FOXP2: variants seen among roughly 807,000 people sequenced by gnomAD.
FOXP2 encodes forkhead box P2.
In FOXP2, 12 loss-of-function variants were observed where a neutral mutation model predicts 115.8. That is an observed-to-expected ratio of 0.10 (90% CI 0.07 to 0.17). The LOEUF is 0.17. FOXP2 is among the 10% of genes least tolerant of loss of function. The pLI is 1.00. For synonymous variants in FOXP2, 328 were observed against 297.7 expected (o/e 1.10, Z -1.05); for missense variants, 629 against 843.5 (o/e 0.75, Z 3.15).
chr7:114,218,195 A>G (rs1234222283), intron 1 of FOXP2, among the ~76,000 whole-genome samples: 3 of 152,178 alleles, frequency 2.0e-5, no homozygotes, highest in South Asian at 2.1e-4. Context: ...CCGATGTACT[A>G]TTAGTCTACA....
chr7:114,445,923 G>T (rs544613565), intron 2 of FOXP2, among the ~76,000 whole-genome samples: 3 of 152,182 alleles, frequency 2.0e-5, no homozygotes, highest in East Asian at 3.9e-4. Flanking sequence ...GTCCCATTCA[G>T]TTGTAGAGAA....
intron 3 of FOXP2, among the ~76,000 whole-genome samples, chr7:114,625,055 G>A (rs1377866132): frequency 6.6e-6 from 1 of 151,442 alleles, no homozygotes; most frequent in African/African-American, 2.4e-5. Flanking sequence ...AGCATGTCGG[G>A]TTTGTGCTTA....
chr7:114,611,814 A>G (rs1803643199), intron 3 of FOXP2, among the ~76,000 whole-genome samples: 1 of 152,182 alleles, frequency 6.6e-6, no homozygotes, highest in Non-Finnish European at 1.5e-5. Flanking sequence ...AATGATAACA[A>G]TGGCTACCAT....
At chr7:114,653,186 G>T (rs1806372947) in intron 9 of FOXP2, among the ~76,000 whole-genome samples, 4 of 152,020 alleles carry the variant, frequency 2.6e-5, no homozygotes, top group Non-Finnish European at 4.4e-5. Context: ...AACACAAAAA[G>T]CACCATCACT....
At chr7:114,193,375 A>G (rs1793815817) in intron 1 of FOXP2, among the ~76,000 whole-genome samples, 1 of 151,956 alleles carries the variant, frequency 6.6e-6, no homozygotes, top group Non-Finnish European at 1.5e-5. Context: ...TTTAGTTCTG[A>G]CAAACTAAAA....
At chr7:114,595,100 A>G (rs1240490130) in intron 3 of FOXP2, among the ~76,000 whole-genome samples, 1 of 152,068 alleles carries the variant, frequency 6.6e-6, no homozygotes, top group East Asian at 1.9e-4. Context: ...TTAATAAGGA[A>G]AAGGCACCCT....
At chr7:114,627,239 A>G (rs948704335) in intron 3 of FOXP2, among the ~76,000 whole-genome samples, 1 of 151,786 alleles carries the variant, frequency 6.6e-6, no homozygotes, top group Admixed American at 6.6e-5. Context: ...TTTGAACTGC[A>G]TTAAAAATAA....
intron 1 of FOXP2, among the ~76,000 whole-genome samples, chr7:114,175,417 A>T (rs1021987866): frequency 2.6e-5 from 4 of 152,180 alleles, no homozygotes; most frequent in African/African-American, 9.6e-5. Flanking sequence ...GCCATGGGTA[A>T]CAATGTTAAG....
Position 114,642,462 on chromosome 7 carries a change from T to A in FOXP2, c.828T>A (p.Val276=). 6.2e-7 allele frequency: 1 copy of A among 1,613,800 alleles called. No individual in the cohort carries two copies. The highest frequency in any genetic ancestry group is 1.1e-5 in the South Asian group (1 of 91,074). ...AGTTATGGAAAGAAGTGACTGGAGT[T>A]CACAGTATGGAAGACAATGGCATTA... ...IQQLWKEVTG[V]HSMEDNGIKH... Residue 276 remains valine, a synonymous_variant, in exon 7 of 17, where the codon GTT becomes GTA. Coordinates refer to ENST00000350908, the MANE Select transcript of FOXP2 (RefSeq NM_014491.4).
intron 3 of FOXP2, among the ~76,000 whole-genome samples, chr7:114,612,994 C>T (rs966014691): frequency 1.3e-5 from 2 of 152,078 alleles, no homozygotes; most frequent in African/African-American, 4.8e-5. Flanking sequence ...TTTTGTGTTA[C>T]TTTGTCAGTG....
intron 1 of FOXP2, among the ~76,000 whole-genome samples, chr7:114,205,200 T>C (rs553605854): frequency 5.3e-5 from 8 of 152,200 alleles, no homozygotes; most frequent in Non-Finnish European, 7.3e-5. Flanking sequence ...TTAAGTAATA[T>C]ATGACCGTGA....
intron 1 of FOXP2, among the ~76,000 whole-genome samples, chr7:114,238,562 T>G (rs1467549336): frequency 6.6e-6 from 1 of 152,088 alleles, no homozygotes; most frequent in Non-Finnish European, 1.5e-5. Flanking sequence ...CATCTGAGAT[T>G]GGGAATTCGA....
chr7:114,473,090 C>T (rs1327314984), intron 2 of FOXP2, among the ~76,000 whole-genome samples: 2 of 152,150 alleles, frequency 1.3e-5, no homozygotes, highest in Non-Finnish European at 2.9e-5. Flanking sequence ...AAGGCACTAG[C>T]TCTCTAAGTT....
intron 1 of FOXP2, among the ~76,000 whole-genome samples, chr7:114,265,256 T>C (rs765516831): frequency 1.9e-4 from 29 of 152,136 alleles, no homozygotes; most frequent in Admixed American, 7.9e-4. Context: ...GGTATAGGCA[T>C]TGGGGAAACA....
chr7:114,659,244 G>T (rs1806748607), intron 11 of FOXP2, 112 bp from the exon 12 acceptor site: 1 of 782,090 alleles, frequency 1.3e-6, no homozygotes, highest in East Asian at 2.7e-5. Context: ...GCTTTCACTA[G>T]TCGGTGGCTT....
intron 16 of FOXP2, among the ~76,000 whole-genome samples, chr7:114,670,606 A>G (rs1807441489): frequency 6.6e-6 from 1 of 152,134 alleles, no homozygotes; most frequent in South Asian, 2.1e-4. Flanking sequence ...TTGAAAATCT[A>G]AACTTTGAAT....
chr7:114,552,548 C>G, intron 3 of FOXP2, among the ~76,000 whole-genome samples: 1 of 152,100 alleles, frequency 6.6e-6, no homozygotes, highest in African/African-American at 2.4e-5. Flanking sequence ...AGTTAGTTTT[C>G]CCCTTATCAG....
At chr7:114,351,388 A>G (rs2129185855) in intron 2 of FOXP2, among the ~76,000 whole-genome samples, 1 of 152,266 alleles carries the variant, frequency 6.6e-6, no homozygotes, top group Non-Finnish European at 1.5e-5. Flanking sequence ...GTAATGTATT[A>G]AAAAAGGAGG....
Position 114,415,122 on chromosome 7 carries a change from C to T in FOXP2, c.-249C>T, listed in dbSNP as rs534027558. On this transcript the variant is annotated 5_prime_UTR_variant, in exon 1 of 17. Coordinates refer to ENST00000350908, the MANE Select transcript of FOXP2 (RefSeq NM_014491.4). ...AGAGCTGCTTGATTTGTTTTAATTA[C>T]CAGCACAAAATGCCATCAGTCTGGG... 4.4e-6 allele frequency: 2 copies of T among 454,264 alleles called. No individual in the cohort carries two copies. The highest frequency in any genetic ancestry group is 8.8e-6 in the Non-Finnish European group (2 of 226,684). 28.1% of individuals were successfully genotyped at this position (454,264 alleles called of 1,614,324 possible).
Sources: allele counts gnomAD v4.1 joint callset (sites outside exome capture counted in the v4.1 genomes callset), GRCh38; gene constraint gnomAD v4.1.1; transcripts MANE v1.5; gene names NCBI Gene and HGNC (gene_info 2026-07-23, HGNC 2026-07-21).